AKAP6: variants seen among roughly 807,000 people sequenced by gnomAD.
AKAP6 encodes A-kinase anchoring protein 6.
Under a neutral mutation model 188.5 loss-of-function variants are expected in AKAP6, and 58 were observed. The observed-to-expected ratio is 0.31, with a 90% CI of 0.25 to 0.38. The LOEUF is 0.38. AKAP6 is among the 10% of genes least tolerant of loss of function. AKAP6 has a pLI of 1.00. For synonymous variants in AKAP6, 989 were observed against 998.6 expected, an observed-to-expected ratio of 0.99 and a Z score of 0.18; for missense variants, 2,710 against 2,740.0, an observed-to-expected ratio of 0.99 and a Z score of 0.24.
chr14:32,764,339 A>G (rs1298655197), intron 11 of AKAP6, among the ~76,000 whole-genome samples: 1 of 152,236 alleles, frequency 6.6e-6, no homozygotes, highest in Non-Finnish European at 1.5e-5. Context: ...AATTCTGTAT[A>G]GATTACTAAC....
chr14:32,427,121 C>T (rs1445085723), intron 1 of AKAP6, among the ~76,000 whole-genome samples: 1 of 152,112 alleles, frequency 6.6e-6, no homozygotes, highest in Non-Finnish European at 1.5e-5. Flanking sequence ...TGTTTGGGCT[C>T]CCCTATTGAC....
At chr14:32,569,017 C>T (rs935988571) in intron 4 of AKAP6, among the ~76,000 whole-genome samples, 3 of 152,140 alleles carry the variant, frequency 2.0e-5, no homozygotes, top group Non-Finnish European at 4.4e-5. Context: ...ATCCCTTTCC[C>T]ATCATAAGAG....
chr14:32,805,051 A>G (rs756059418), intron 12 of AKAP6, among the ~76,000 whole-genome samples: 3 of 152,172 alleles, frequency 2.0e-5, no homozygotes, highest in Non-Finnish European at 4.4e-5. Flanking sequence ...TTTACAATCA[A>G]TTTGTACAGT....
chr14:32,569,890 G>A (rs115486897), intron 4 of AKAP6, among the ~76,000 whole-genome samples: 1,532 of 152,160 alleles, frequency 0.01, 18 homozygotes, highest in African/African-American at 0.032. Flanking sequence ...AATGTAGCCC[G>A]TTTTGAAAAA....
rs917620885 is a variant in AKAP6, at chr14:32,836,303, T to C, written c.*6498T>C. On this transcript the variant is annotated 3_prime_UTR_variant, in exon 14 of 14. Transcript: ENST00000280979. ...TGAGGAGGGCTCACTTTCTGTTTCA[T>C]TGATGCACCTTACTGCATCCTCATC... 9.2e-5 allele frequency: 14 copies of C among 152,224 alleles called. No homozygotes were observed. The highest frequency in any genetic ancestry group is 2.2e-4 in the African/African-American group (9 of 41,430). The allele number at this position is 152,224 out of a possible 1,614,324, so 9.4% of individuals were successfully genotyped here.
chr14:32,692,102 T>A (rs1314907295), intron 8 of AKAP6, among the ~76,000 whole-genome samples: 1 of 152,196 alleles, frequency 6.6e-6, no homozygotes, highest in East Asian at 1.9e-4. Flanking sequence ...AAATCAAGTA[T>A]CAAGTCTAAA....
chr14:32,813,990 T>TCCAA, intron 12 of AKAP6, among the ~76,000 whole-genome samples: 2 of 151,998 alleles, frequency 1.3e-5, no homozygotes, highest in Non-Finnish European at 2.9e-5. Context: ...CTATGACCTC[T>TCCAA]GTGGTTTCTC....
chr14:32,783,532 GGAGTTGAT>G (rs2033314933), intron 12 of AKAP6, among the ~76,000 whole-genome samples: 1 of 151,938 alleles, frequency 6.6e-6, no homozygotes, highest in Admixed American at 6.6e-5. Flanking sequence ...TAATTACAAA[GGAGTTGAT>G]AGATTACCCT....
intron 7 of AKAP6, among the ~76,000 whole-genome samples, chr14:32,664,129 T>C (rs1321480597): frequency 6.6e-6 from 1 of 152,088 alleles, no homozygotes; most frequent in Non-Finnish European, 1.5e-5. Context: ...ATATGCCTAG[T>C]GGATAGGAAC....
chr14:32,579,798 A>G (rs1347569799), intron 5 of AKAP6, among the ~76,000 whole-genome samples: 1 of 152,160 alleles, frequency 6.6e-6, no homozygotes, highest in Non-Finnish European at 1.5e-5. Context: ...ATAAAAGAAA[A>G]TGTATGAATA....
chr14:32,522,702 G>C (rs557693394), intron 2 of AKAP6, among the ~76,000 whole-genome samples: 3 of 152,316 alleles, frequency 2.0e-5, no homozygotes, highest in South Asian at 4.2e-4. Flanking sequence ...AGGTGCTGGA[G>C]AGGATGTGGA....
At chr14:32,783,672 G>T (rs1010787529) in intron 12 of AKAP6, among the ~76,000 whole-genome samples, 1 of 152,090 alleles carries the variant, frequency 6.6e-6, no homozygotes, top group South Asian at 2.1e-4. Flanking sequence ...ATCAGGCAAT[G>T]TTCAGTCCTT....
intron 7 of AKAP6, among the ~76,000 whole-genome samples, chr14:32,622,482 A>T (rs1467306476): frequency 6.6e-6 from 1 of 152,142 alleles, no homozygotes; most frequent in Non-Finnish European, 1.5e-5. Flanking sequence ...CATAAGCCAT[A>T]AGAAAAATAT....
intron 1 of AKAP6, among the ~76,000 whole-genome samples, chr14:32,353,444 C>A (rs2138456705): frequency 6.6e-6 from 1 of 152,122 alleles, no homozygotes; most frequent in African/African-American, 2.4e-5. Flanking sequence ...GCCTGTAGTC[C>A]CAGCTACTCG....
intron 9 of AKAP6, among the ~76,000 whole-genome samples, chr14:32,708,867 T>A (rs1323835380): frequency 6.6e-6 from 1 of 151,994 alleles, no homozygotes; most frequent in Admixed American, 6.6e-5. Context: ...ATATGCATGA[T>A]AAACATTCCT....
At chr14:32,726,283 A>G in intron 9 of AKAP6, 1 of 891,470 alleles carries the variant, frequency 1.1e-6, no homozygotes, top group East Asian at 1.2e-4. Context: ...CTTCTTTTAC[A>G]GTTTGCTCAA....
chr14:32,683,210 T>G (rs928006477), intron 8 of AKAP6, among the ~76,000 whole-genome samples: 2 of 152,048 alleles, frequency 1.3e-5, no homozygotes, highest in Non-Finnish European at 2.9e-5. Context: ...CCCAGGTTAG[T>G]CTCGAACTCC....
chr14:32,712,867 A>C (rs990857092), intron 9 of AKAP6, among the ~76,000 whole-genome samples: 4 of 151,946 alleles, frequency 2.6e-5, no homozygotes, highest in African/African-American at 9.7e-5. Context: ...TGATATTTTG[A>C]TCTCCTCCTA....
At chr14:32,590,348 G>C (rs1246063114) in intron 5 of AKAP6, among the ~76,000 whole-genome samples, 3 of 151,840 alleles carry the variant, frequency 2.0e-5, no homozygotes, top group African/African-American at 7.3e-5. Flanking sequence ...AAAAATATCT[G>C]CTAAGGCCGG....
Sources: gnomAD v4.1 joint callset for allele counts (sites outside exome capture counted in the v4.1 genomes callset) on GRCh38, gnomAD v4.1.1 for gene constraint, MANE v1.5 for transcripts, NCBI Gene and HGNC (gene_info 2026-07-23, HGNC 2026-07-21) for gene names.